The following ROR1 variants were observed in gnomAD, a reference collection of about 807,000 sequenced individuals.
The protein encoded by ROR1 is ROR family WNT receptor 1.
A neutral mutation model predicts 78.8 loss-of-function variants in ROR1; 19 were observed. The observed-to-expected ratio is 0.24, with a 90% confidence interval of 0.17 to 0.35. The LOEUF is 0.35. Among genes scored for constraint, ROR1 ranks in the 10% least tolerant of loss-of-function variants. The pLI is 1.00. For missense variants in ROR1, 917 were observed against 1,177.8 expected (o/e 0.78, Z 3.24); for synonymous variants, 386 against 433.6 (o/e 0.89, Z 1.36).
chr1:63,929,887 A>G (rs568172955), intron 1 of ROR1, among the ~76,000 whole-genome samples: 28 of 152,280 alleles, frequency 1.8e-4, no homozygotes, highest in African/African-American at 6.5e-4. Flanking sequence ...AGATCCAGCA[A>G]TCTGGCCCAG....
intron 4 of ROR1, among the ~76,000 whole-genome samples, chr1:64,096,810 G>T (rs1647316564): frequency 6.6e-6 from 1 of 151,124 alleles, no homozygotes; most frequent in Non-Finnish European, 1.5e-5. Flanking sequence ...GGTCTTTGAG[G>T]AATCACCATA....
chr1:63,807,676 T>A (rs1485763326), intron 1 of ROR1, among the ~76,000 whole-genome samples: 1 of 152,142 alleles, frequency 6.6e-6, no homozygotes, highest in African/African-American at 2.4e-5. Flanking sequence ...GACTGGGCAC[T>A]CCTGAAGGCA....
chr1:63,881,330 C>T (rs1323516163), intron 1 of ROR1, among the ~76,000 whole-genome samples: 1 of 152,102 alleles, frequency 6.6e-6, no homozygotes, highest in Non-Finnish European at 1.5e-5. Context: ...GATCCATTTT[C>T]AACCCTGGCA....
intron 1 of ROR1, among the ~76,000 whole-genome samples, chr1:63,940,490 T>TAGACAGAC (rs67116114): frequency 2.3e-3 from 212 of 91,468 alleles, no homozygotes; most frequent in Non-Finnish European, 3.2e-3. Flanking sequence ...GACAGATAGA[T>TAGACAGAC]AGACAGACAG....
chr1:63,774,231 C>T lies in ROR1; in HGVS notation c.-187C>T, dbSNP rs1569677980. 1 of 275,286 alleles carries T rather than the reference C, an allele frequency of 3.6e-6. No individual in the cohort carries two copies. The highest frequency in any genetic ancestry group is 8.5e-5 in the East Asian group (1 of 11,702). 17.1% of individuals were successfully genotyped at this position (275,286 alleles called of 1,614,324 possible). ...GAGGGCTGGGAAGGGATCGCGCTCG[C>T]GGCATCCAGAGGCGGCCAGGCGGAG... On this transcript the variant is annotated 5_prime_UTR_variant, in exon 1 of 9. Transcript: ENST00000371079. The surrounding 1 kb of genome is among the most constrained non-coding windows in gnomAD (Gnocchi z 5.7).
chr1:63,978,204 G>A (rs1646177938), intron 1 of ROR1, among the ~76,000 whole-genome samples: 1 of 152,186 alleles, frequency 6.6e-6, no homozygotes, highest in Admixed American at 6.5e-5. Flanking sequence ...AGGAGAAGAG[G>A]AAAGTAAACG....
chr1:64,081,995 G>A (rs1016998579), intron 4 of ROR1, among the ~76,000 whole-genome samples: 3 of 152,124 alleles, frequency 2.0e-5, no homozygotes, highest in Non-Finnish European at 4.4e-5. Context: ...CCCTTTAAAA[G>A]CAGAGCATAT....
chr1:63,945,154 A>T (rs1645874120), intron 1 of ROR1, among the ~76,000 whole-genome samples: 1 of 152,188 alleles, frequency 6.6e-6, no homozygotes, highest in South Asian at 2.1e-4. Flanking sequence ...GACCCACATT[A>T]GTATGGTCCT....
chr1:63,830,372 G>A (rs1416769183), intron 1 of ROR1, among the ~76,000 whole-genome samples: 1 of 152,172 alleles, frequency 6.6e-6, no homozygotes, highest in African/African-American at 2.4e-5. Context: ...CACAAAAGAG[G>A]TTTAATTGAC....
intron 1 of ROR1, among the ~76,000 whole-genome samples, chr1:63,811,025 A>C (rs1644856983): frequency 6.6e-6 from 1 of 152,164 alleles, no homozygotes; most frequent in Non-Finnish European, 1.5e-5. Flanking sequence ...TTTGCCTAGA[A>C]ACTGACCCTA....
Position 63,774,626 on chromosome 1 carries a change from G to T in ROR1, c.91+118G>T. 2.3e-6 allele frequency: 1 copy of T among 433,188 alleles called. No individual in the cohort carries two copies. The highest frequency in any genetic ancestry group is 3.1e-6 in the Non-Finnish European group (1 of 324,150). The allele number at this position is 433,188 out of a possible 1,614,324, so 26.8% of individuals were successfully genotyped here. On this transcript the variant is annotated intron_variant, in intron 1 of 8. Transcript: ENST00000371079. This position sits in a 1 kb window ranked among gnomAD's most constrained non-coding sequence, Gnocchi z 5.7. ...GCCGCGCTGGCTCCGGGGCGCGTCC[G>T]GCCACCCGCCACGGGGCTCGCCGGC... is the stretch of plus-strand genomic sequence containing the variant.
intron 1 of ROR1, among the ~76,000 whole-genome samples, chr1:63,972,167 G>A (rs1183504015): frequency 6.6e-6 from 1 of 152,010 alleles, no homozygotes; most frequent in Non-Finnish European, 1.5e-5. Flanking sequence ...TATTTGTTGT[G>A]CTTATAGGAA....
intron 1 of ROR1, among the ~76,000 whole-genome samples, chr1:64,009,084 C>G (rs536337323): frequency 1.6e-4 from 24 of 152,170 alleles, no homozygotes; most frequent in African/African-American, 5.5e-4. Context: ...TAAAAATCTT[C>G]AAATCTGGCC....
At chr1:64,114,895 T>G (rs1648254770) in intron 4 of ROR1, among the ~76,000 whole-genome samples, 1 of 152,132 alleles carries the variant, frequency 6.6e-6, no homozygotes, top group African/African-American at 2.4e-5. Flanking sequence ...TAACAAGACT[T>G]GTTTGCCTTT....
chr1:63,991,140 A>G (rs1646293095), intron 1 of ROR1, among the ~76,000 whole-genome samples: 1 of 151,864 alleles, frequency 6.6e-6, no homozygotes, highest in African/African-American at 2.4e-5. Context: ...TTGTAGAGTC[A>G]GGGTCTCACT....
rs543804861 is a variant in ROR1, at chr1:63,860,204, T to G, written c.91+85696T>G. On this transcript the variant is annotated intron_variant, in intron 1 of 8. Coordinates refer to ENST00000371079, the MANE Select transcript of ROR1 (RefSeq NM_005012.4). ...AAATTCAGGCCTTTCTTCACCACAC[T>G]GACACTGAGTAATATATATTGTAGC... Among the ~76,000 whole-genome samples the G allele has an allele frequency of 2.0e-5, 3 of 152,310 alleles. No homozygotes were observed. In the South Asian group the frequency reaches 6.2e-4, roughly 32 times the overall value.
intron 8 of ROR1, among the ~76,000 whole-genome samples, chr1:64,175,750 T>G (rs546046340): frequency 5.9e-5 from 9 of 152,358 alleles, no homozygotes; most frequent in African/African-American, 2.2e-4. Context: ...ATTAGGTTAG[T>G]GGGCATTTTG....
chr1:63,956,478 C>G (rs1365884625), intron 1 of ROR1, among the ~76,000 whole-genome samples: 1 of 152,162 alleles, frequency 6.6e-6, no homozygotes, highest in Non-Finnish European at 1.5e-5. Flanking sequence ...AGGTGAAGGG[C>G]TTGACATAGT....
intron 4 of ROR1, among the ~76,000 whole-genome samples, chr1:64,132,429 C>G (rs541819941): frequency 5.1e-4 from 77 of 152,166 alleles, no homozygotes; most frequent in Non-Finnish European, 9.7e-4. Flanking sequence ...ATTTTACAGT[C>G]AGGAAAGTCC....
Sources: gnomAD v4.1 joint callset for allele counts (sites outside exome capture counted in the v4.1 genomes callset) on GRCh38, gnomAD v4.1.1 for gene constraint, Gnocchi (gnomAD v3.1) non-coding constraint, MANE v1.5 for transcripts, NCBI Gene and HGNC (gene_info 2026-07-23, HGNC 2026-07-21) for gene names.